The following CEP128 variants were observed in gnomAD, a reference collection of about 807,000 sequenced individuals.
CEP128 encodes centrosomal protein 128, also known as centrosomal protein 128kDa.
A neutral mutation model predicts 156.7 loss-of-function variants in CEP128; 132 were observed. The ratio of observed to expected loss-of-function variants is 0.84; its 90% confidence interval spans 0.73 to 0.97. The LOEUF (loss-of-function observed/expected upper bound fraction) is 0.97. CEP128 is among the 50% of genes least tolerant of loss of function. The pLI is 0.00. For missense variants in CEP128, 1,252 were observed against 1,281.9 expected (o/e 0.98, Z 0.36); for synonymous variants, 469 against 448.9 (o/e 1.04, Z -0.57).
intron 19 of CEP128, among the ~76,000 whole-genome samples, chr14:80,620,470 G>T (rs1893431702): frequency 6.6e-6 from 1 of 152,014 alleles, no homozygotes; most frequent in South Asian, 2.1e-4. Flanking sequence ...TGGGCAAAAA[G>T]ATCTTAGGGA....
chr14:80,645,950 G>A (rs373718208), intron 19 of CEP128, among the ~76,000 whole-genome samples: 16 of 152,228 alleles, frequency 1.1e-4, no homozygotes, highest in African/African-American at 2.6e-4. Flanking sequence ...ATATTACTAC[G>A]TGAAAGAAAC....
intron 13 of CEP128, among the ~76,000 whole-genome samples, chr14:80,828,896 C>A (rs1339370418): frequency 6.6e-6 from 1 of 152,042 alleles, no homozygotes; most frequent in African/African-American, 2.4e-5. Flanking sequence ...GAAGATTAAT[C>A]TCTCTTTTTT....
At chr14:80,778,189 C>T (rs1372405086) in intron 15 of CEP128, 143 bp from the exon 16 acceptor site, 9 of 691,602 alleles carry the variant, frequency 1.3e-5, no homozygotes, top group Non-Finnish European at 2.2e-5. Context: ...AAAATAAACA[C>T]AAAGGAAATG....
intron 19 of CEP128, among the ~76,000 whole-genome samples, chr14:80,712,945 C>T (rs1250586956): frequency 6.6e-6 from 1 of 152,130 alleles, no homozygotes; most frequent in Admixed American, 6.6e-5. Context: ...CTGTAAAATA[C>T]TAGGTTGAAT....
intron 19 of CEP128, among the ~76,000 whole-genome samples, chr14:80,616,122 A>G (rs576428293): frequency 2.0e-5 from 3 of 152,230 alleles, no homozygotes; most frequent in Non-Finnish European, 4.4e-5. Context: ...ACTCTTGCTG[A>G]TAGACAGCTG....
chr14:80,754,386 C>A (rs1899536425), intron 18 of CEP128, among the ~76,000 whole-genome samples: 1 of 151,882 alleles, frequency 6.6e-6, no homozygotes, highest in Admixed American at 6.6e-5. Context: ...ACTTCTATTA[C>A]AGCTCCTGCT....
In CEP128 at chr14:80,793,081, T is replaced by C; in HGVS notation, c.1239A>G (p.Glu413=). 3 of 1,613,108 alleles carry C rather than the reference T, an allele frequency of 1.9e-6. No individual in the cohort carries two copies. Among genetic ancestry groups the C allele is most frequent in the Admixed American group, 3.3e-5 (2 of 59,982 alleles). ...GATCCAACATCTGCAGTTGCTGTTTTTCCCCATTCTCCAGTTCACGTGTTA... is the reference window on the plus strand; with the variant it reads ...GATCCAACATCTGCAGTTGCTGTTTCTCCCCATTCTCCAGTTCACGTGTTA... ...ENLTRELENG[E]KQQLQMLDRL... Residue 413 remains glutamate (E), a synonymous_variant, in exon 14 of 25, where the codon GAA becomes GAG. Transcript: ENST00000555265.
intron 19 of CEP128, among the ~76,000 whole-genome samples, chr14:80,602,992 AC>A (rs1774310087): frequency 6.6e-6 from 1 of 152,220 alleles, no homozygotes; most frequent in Non-Finnish European, 1.5e-5. Context: ...CAAAAACACG[AC>A]ATACTAAAAT....
intron 6 of CEP128, among the ~76,000 whole-genome samples, chr14:80,901,138 G>A (rs937068604): frequency 3.8e-4 from 57 of 151,756 alleles, no homozygotes; most frequent in Non-Finnish European, 5.9e-4. Context: ...CCCGGGAGGC[G>A]GAGCTTGCAG....
At chr14:80,565,562 T>C (rs1185672960) in intron 20 of CEP128, among the ~76,000 whole-genome samples, 4 of 152,122 alleles carry the variant, frequency 2.6e-5, no homozygotes, top group Admixed American at 2.6e-4. Flanking sequence ...GTGAACCCAT[T>C]GGGTGGATAC....
intron 19 of CEP128, among the ~76,000 whole-genome samples, chr14:80,591,147 A>T (rs1050420641): frequency 6.6e-6 from 1 of 152,200 alleles, no homozygotes; most frequent in African/African-American, 2.4e-5. Flanking sequence ...GATCAAATTC[A>T]CACATAACAA....
At chr14:80,548,743 G>A (rs879874777) in intron 21 of CEP128, among the ~76,000 whole-genome samples, 6 of 152,188 alleles carry the variant, frequency 3.9e-5, no homozygotes, top group African/African-American at 7.2e-5. Context: ...ACTACTTATC[G>A]GCATCAAATA....
At position 80,899,947 on chromosome 14, in the gene CEP128, CT is replaced by C. The variant is rs1174366921; in HGVS notation, c.562del (p.Arg188GlufsTer16). On this transcript the variant is annotated frameshift_variant, in exon 7 of 25. Transcript: ENST00000555265. LOFTEE classifies it high-confidence loss of function. ...LGDDFNRELS[R>X]RSRSDAETKR... ...CATAGGCTGCTTTTACCGGCTCCTTCTGGAAAGCTCCCTGTTGAAATCATCT... is the reference window on the plus strand; with the variant it reads ...CATAGGCTGCTTTTACCGGCTCCTTCGGAAAGCTCCCTGTTGAAATCATCT... 1 of 1,612,450 alleles carries C rather than the reference CT, an allele frequency of 6.2e-7. No individual in the cohort carries two copies. Among genetic ancestry groups the C allele is most frequent in the Admixed American group, 1.7e-5 (1 of 60,014 alleles).
chr14:80,525,435 G>A (rs1888931268), intron 23 of CEP128, among the ~76,000 whole-genome samples: 1 of 152,166 alleles, frequency 6.6e-6, no homozygotes, highest in Admixed American at 6.5e-5. Context: ...ATATGATAAG[G>A]TATATAAGGC....
chr14:80,526,274 A>C (rs1025278307), intron 23 of CEP128, among the ~76,000 whole-genome samples: 1 of 152,160 alleles, frequency 6.6e-6, no homozygotes, highest in Admixed American at 6.6e-5. Flanking sequence ...CTCTGCTCTA[A>C]ACTGAGAGCT....
At chr14:80,828,192 C>T (rs10139626) in intron 13 of CEP128, among the ~76,000 whole-genome samples, 9,437 of 146,654 alleles carry the variant, frequency 0.064, 1,016 homozygotes, top group African/African-American at 0.23. Flanking sequence ...GGTGCGATCT[C>T]GGCTCACTGC....
intron 22 of CEP128, among the ~76,000 whole-genome samples, chr14:80,529,486 T>C (rs138422811): frequency 4.7e-4 from 71 of 152,306 alleles, no homozygotes; most frequent in African/African-American, 1.7e-3. Flanking sequence ...ATTCTGTTCA[T>C]TGTAGACAAC....
At chr14:80,569,777 T>C (rs531815375) in intron 20 of CEP128, among the ~76,000 whole-genome samples, 24 of 152,330 alleles carry the variant, frequency 1.6e-4, no homozygotes, top group South Asian at 2.1e-4. Context: ...TTTATTTGGT[T>C]GAAACCAATC....
At chr14:80,931,738 T>A (rs970301137) in intron 2 of CEP128, among the ~76,000 whole-genome samples, 7 of 152,178 alleles carry the variant, frequency 4.6e-5, no homozygotes, top group Non-Finnish European at 1.0e-4. Context: ...GCAGATAAAG[T>A]GGATGCATTC....
Sources: gnomAD v4.1 joint callset for allele counts (sites outside exome capture counted in the v4.1 genomes callset) on GRCh38, gnomAD v4.1.1 for gene constraint, MANE v1.5 for transcripts, NCBI Gene and HGNC (gene_info 2026-07-23, HGNC 2026-07-21) for gene names.